QTMAN: variants seen among roughly 807,000 people sequenced by gnomAD.
The protein encoded by QTMAN is queuosine-tRNA mannosyltransferase, also known as tRNA-queuosine alpha-mannosyltransferase.
the QTMAN span, chr2:144,142,109 T>C: frequency 1.5e-6 from 2 of 1,327,684 alleles, no homozygotes; most frequent in Admixed American, 3.7e-5. Context: ...TTCAGAGTAA[T>C]TTTTATCAAC....
the QTMAN span, among the ~76,000 whole-genome samples, chr2:144,049,981 T>G: frequency 6.6e-6 from 1 of 151,866 alleles, no homozygotes; most frequent in Non-Finnish European, 1.5e-5. Context: ...AAATAAAGAG[T>G]TATAAAACAA....
chr2:144,300,758 G>T, the QTMAN span, among the ~76,000 whole-genome samples: 1 of 151,458 alleles, frequency 6.6e-6, no homozygotes, highest in Non-Finnish European at 1.5e-5. Flanking sequence ...GGGAAGCTGG[G>T]ATAGGGGTGG....
At chr2:144,026,239 GC>G in the QTMAN span, among the ~76,000 whole-genome samples, 1 of 152,144 alleles carries the variant, frequency 6.6e-6, no homozygotes, top group African/African-American at 2.4e-5. Context: ...TTTGAGACCA[GC>G]CTGGCCAACA....
At chr2:144,133,429 ATATATAAT>A in the QTMAN span, among the ~76,000 whole-genome samples, 1 of 46,338 alleles carries the variant, frequency 2.2e-5, no homozygotes, top group Non-Finnish European at 3.1e-5. Flanking sequence ...AATATATATA[ATATATAAT>A]ATATAATATA....
chr2:144,148,554 T>A, the QTMAN span, among the ~76,000 whole-genome samples: 2 of 151,840 alleles, frequency 1.3e-5, no homozygotes, highest in Non-Finnish European at 2.9e-5. Flanking sequence ...AATAAACCCA[T>A]CATATCTGTA....
chr2:144,324,883 C>T, the QTMAN span, among the ~76,000 whole-genome samples: 182 of 150,368 alleles, frequency 1.2e-3, 1 homozygote, highest in South Asian at 0.011. Flanking sequence ...AGAAGACAAA[C>T]GTCATCACAC....
chr2:144,055,440 A>G, the QTMAN span, among the ~76,000 whole-genome samples: 1 of 152,034 alleles, frequency 6.6e-6, no homozygotes, highest in East Asian at 1.9e-4. Context: ...AAAAAGGAAG[A>G]AGGAAAAGAT....
the QTMAN span, among the ~76,000 whole-genome samples, chr2:144,247,933 C>G: frequency 6.6e-6 from 1 of 152,218 alleles, no homozygotes; most frequent in Non-Finnish European, 1.5e-5. Flanking sequence ...TCAAATGATC[C>G]ACCGGCCTTG....
chr2:143,991,618 G>T, the QTMAN span, among the ~76,000 whole-genome samples: 1 of 144,294 alleles, frequency 6.9e-6, no homozygotes, highest in Non-Finnish European at 1.5e-5. Context: ...GGGCGCCTCT[G>T]CCCGGCCGCC....
At chr2:144,028,853 G>C in the QTMAN span, among the ~76,000 whole-genome samples, 1 of 152,178 alleles carries the variant, frequency 6.6e-6, no homozygotes, top group African/African-American at 2.4e-5. Context: ...TGCAACACTA[G>C]AGTGGTTGGT....
the QTMAN span, among the ~76,000 whole-genome samples, chr2:144,049,560 C>T: frequency 6.6e-6 from 1 of 152,012 alleles, no homozygotes; most frequent in Non-Finnish European, 1.5e-5. Flanking sequence ...AGAACCCTAA[C>T]CTTTAGTGAG....
At chr2:144,189,017 C>G in the QTMAN span, among the ~76,000 whole-genome samples, 20 of 152,300 alleles carry the variant, frequency 1.3e-4, no homozygotes, top group East Asian at 3.9e-3. Flanking sequence ...TTTATACTTA[C>G]AATCTACAAC....
chr2:144,053,479 G>A, the QTMAN span, among the ~76,000 whole-genome samples: 2 of 152,274 alleles, frequency 1.3e-5, no homozygotes, highest in East Asian at 1.9e-4. Context: ...TATATCCTCA[G>A]CTGCTATGAC....
the QTMAN span, among the ~76,000 whole-genome samples, chr2:143,972,169 C>G: frequency 2.0e-5 from 3 of 152,216 alleles, no homozygotes; most frequent in South Asian, 4.1e-4. Context: ...CAGGCAAGAA[C>G]AAAGACTCAA....
At chr2:144,191,954 C>A in the QTMAN span, among the ~76,000 whole-genome samples, 1 of 152,010 alleles carries the variant, frequency 6.6e-6, no homozygotes, top group Non-Finnish European at 1.5e-5. Flanking sequence ...CAATGACAAA[C>A]GTAAAAACAT....
At chr2:144,259,601 C>T in the QTMAN span, among the ~76,000 whole-genome samples, 27 of 152,164 alleles carry the variant, frequency 1.8e-4, no homozygotes, top group South Asian at 1.2e-3. Context: ...ACAAATAATC[C>T]GCCAATCTTT....
chr2:144,073,136 C>G, the QTMAN span, among the ~76,000 whole-genome samples: 1 of 151,924 alleles, frequency 6.6e-6, no homozygotes, highest in Admixed American at 6.6e-5. Flanking sequence ...AACTTGATAA[C>G]AACATAGCCA....
At chr2:143,960,263 CA>C in the QTMAN span, among the ~76,000 whole-genome samples, 1 of 151,938 alleles carries the variant, frequency 6.6e-6, no homozygotes, top group Non-Finnish European at 1.5e-5. Flanking sequence ...CATGGACATT[CA>C]AAGAGAGGAG....
At chr2:144,061,693 C>T in the QTMAN span, among the ~76,000 whole-genome samples, 3 of 152,118 alleles carry the variant, frequency 2.0e-5, no homozygotes, top group African/African-American at 7.2e-5. Context: ...ACCCTCAAGC[C>T]TGGACCCGTG....
Sources: gnomAD v4.1 joint callset for allele counts (sites outside exome capture counted in the v4.1 genomes callset) on GRCh38, gnomAD v4.1.1 for gene constraint, MANE v1.5 for transcripts, NCBI Gene and HGNC (gene_info 2026-07-23, HGNC 2026-07-21) for gene names.